The following EMP1 variants were observed in gnomAD, a reference collection of about 807,000 sequenced individuals.
The protein encoded by EMP1 is tumor-associated membrane protein.
EMP1 carries 5 observed loss-of-function variants against 15.7 expected under a neutral mutation model. That is an observed-to-expected ratio of 0.32 (90% CI 0.17 to 0.67). The LOEUF (loss-of-function observed/expected upper bound fraction) is 0.67, where lower values mean the gene tolerates loss of function less well. Ranked by LOEUF, EMP1 falls within the 30% of genes least tolerant of loss-of-function variation. The pLI is 0.74. For synonymous variants in EMP1, 78 were observed against 76.7 expected, an observed-to-expected ratio of 1.02 and a Z score of -0.09; for missense variants, 166 against 194.2, an observed-to-expected ratio of 0.85 and a Z score of 0.86.
intron 1 of EMP1, among the ~76,000 whole-genome samples, chr12:13,206,158 T>C (rs1365725054): frequency 6.6e-6 from 1 of 151,936 alleles, no homozygotes; most frequent in African/African-American, 2.4e-5. Flanking sequence ...AAACTCAGGG[T>C]AGGACTGTGA....
chr12:13,201,596 A>G (rs577728184), intron 1 of EMP1, among the ~76,000 whole-genome samples: 1 of 152,318 alleles, frequency 6.6e-6, no homozygotes, highest in South Asian at 2.1e-4. Flanking sequence ...CATTTTGCAG[A>G]GGATTCTCGT....
In EMP1 at chr12:13,208,861, C is replaced by T. The variant is rs115026162; in HGVS notation, c.-42-2608C>T. Among the ~76,000 whole-genome samples, 1,341 of 152,242 alleles carry T rather than the reference C, an allele frequency of 8.8e-3. 5 individuals are homozygous for T. The highest frequency in any genetic ancestry group is 0.022 in the African/African-American group (930 of 41,542). On this transcript the variant is annotated intron_variant, in intron 1 of 4. Transcript: ENST00000256951. ...CAGGTGGATCCAGGGGCCAGGCACT[C>T]GCACACACCACCAGGGCTGTGATGC...
At chr12:13,200,027 A>G (rs546658814) in intron 1 of EMP1, among the ~76,000 whole-genome samples, 21 of 137,688 alleles carry the variant, frequency 1.5e-4, no homozygotes, top group African/African-American at 4.8e-4. Context: ...GTTTGGAATT[A>G]TGTACATAGT....
intron 1 of EMP1, among the ~76,000 whole-genome samples, chr12:13,206,259 G>T (rs1479992696): frequency 1.3e-5 from 2 of 152,160 alleles, no homozygotes; most frequent in African/African-American, 4.8e-5. Flanking sequence ...GAAAAATCCT[G>T]GCCTTTCTTA....
intron 1 of EMP1, among the ~76,000 whole-genome samples, chr12:13,202,505 C>T (rs1038558749): frequency 6.6e-6 from 1 of 152,114 alleles, no homozygotes; most frequent in African/African-American, 2.4e-5. Flanking sequence ...TAGTTTGGGG[C>T]AAGGCAGTGT....
intron 1 of EMP1, among the ~76,000 whole-genome samples, chr12:13,198,541 G>A (rs1428878249): frequency 6.6e-6 from 1 of 152,196 alleles, no homozygotes; most frequent in Non-Finnish European, 1.5e-5. Context: ...AAGATGAAGG[G>A]AACTCCTACA....
At chr12:13,208,067 C>T (rs547435075) in intron 1 of EMP1, among the ~76,000 whole-genome samples, 65 of 152,178 alleles carry the variant, frequency 4.3e-4, no homozygotes, top group Non-Finnish European at 8.4e-4. Flanking sequence ...CCACCCATAT[C>T]ATTTTAGAGA....
intron 1 of EMP1, among the ~76,000 whole-genome samples, chr12:13,204,064 A>C (rs1001755076): frequency 1.3e-5 from 2 of 152,258 alleles, no homozygotes; most frequent in South Asian, 4.1e-4. Context: ...TCCCTGCAGC[A>C]TGTAGGTCCC....
chr12:13,214,052 G>A, intron 4 of EMP1: 1 of 702,210 alleles, frequency 1.4e-6, no homozygotes, highest in Non-Finnish European at 2.5e-6. Flanking sequence ...AAGTGGCAGT[G>A]CATATCTGTT....
chr12:13,211,903 G>T lies in EMP1; in HGVS notation c.78+315G>T. The T allele has an allele frequency of 2.9e-6, 1 of 342,028 alleles. No individual in the cohort carries two copies. The highest frequency in any genetic ancestry group is 5.4e-6 in the Non-Finnish European group (1 of 185,506). The allele number at this position is 342,028 out of a possible 1,614,324, so 21.2% of individuals were successfully genotyped here. A position where few individuals can be genotyped will look rare whatever the true frequency, so the allele number is the denominator to read the frequency against. ...AGCTTGAGGTGAACCTGGAGGAGTGGTAGATGGCTGAGGTTTCTCTTAGTG... is the reference window on the plus strand; with the variant it reads ...AGCTTGAGGTGAACCTGGAGGAGTGTTAGATGGCTGAGGTTTCTCTTAGTG... On this transcript the variant is annotated intron_variant, in intron 2 of 4. Coordinates refer to ENST00000256951, the MANE Select transcript of EMP1 (RefSeq NM_001423.3). This position sits in a 1 kb window ranked among gnomAD's most constrained non-coding sequence, Gnocchi z 4.7.
chr12:13,219,769 C>T lies in EMP1; in HGVS notation c.*5078C>T, dbSNP rs765040291. On this transcript the variant is annotated 3_prime_UTR_variant, in exon 5 of 5. Coordinates refer to ENST00000256951, the MANE Select transcript of EMP1 (RefSeq NM_001423.3). Reference sequence around the variant, plus strand: ...AGGAAGAACAGACTTTTGAGCTCTTCCCAATATAGGAATGTGTTAGTTCTA... The same window carrying T: ...AGGAAGAACAGACTTTTGAGCTCTTTCCAATATAGGAATGTGTTAGTTCTA... 3 of 152,134 alleles carry T rather than the reference C, an allele frequency of 2.0e-5. No homozygotes were observed. Among genetic ancestry groups the T allele is most frequent in the Non-Finnish European group, 2.9e-5 (2 of 68,022 alleles). The allele number at this position is 152,134 out of a possible 1,614,324, so 9.4% of individuals were successfully genotyped here. A position where few individuals can be genotyped will look rare whatever the true frequency, so the allele number is the denominator to read the frequency against.
Position 13,214,835 on chromosome 12 carries a change from A to G in EMP1, c.*144A>G. The G allele has an allele frequency of 1.5e-6, 1 of 658,954 alleles. No individual in the cohort carries two copies. The highest frequency in any genetic ancestry group is 2.5e-6 in the Non-Finnish European group (1 of 401,814). 40.8% of individuals were successfully genotyped at this position (658,954 alleles called of 1,614,324 possible). On this transcript the variant is annotated 3_prime_UTR_variant, in exon 5 of 5. Coordinates refer to ENST00000256951, the MANE Select transcript of EMP1 (RefSeq NM_001423.3). ...AAGGGGGGAGGTCAAATCCCAAACC[A>G]TTACTGAGGGGATTCTCTACTGCCA...
chr12:13,213,724 C>T lies in EMP1; in HGVS notation c.219C>T (p.Ile73=). ...TVQAFMILSI[I]FCVIALLVFV... The stretch of plus-strand genomic sequence containing the variant: ...AGGCCTTCATGATTCTCTCTATCAT[C>T]TTCTGTGTCATTGCCCTCCTGGTCT... Residue 73 remains isoleucine (I), a synonymous_variant, in exon 4 of 5, where the codon ATC becomes ATT. Coordinates refer to ENST00000256951, the MANE Select transcript of EMP1 (RefSeq NM_001423.3). The T allele has an allele frequency of 6.2e-7, 1 of 1,614,220 alleles. No homozygotes were observed. Among genetic ancestry groups the T allele is most frequent in the East Asian group, 2.2e-5 (1 of 44,888 alleles).
At chr12:13,206,996 A>G (rs1178735765) in intron 1 of EMP1, among the ~76,000 whole-genome samples, 3 of 152,142 alleles carry the variant, frequency 2.0e-5, no homozygotes, top group Non-Finnish European at 4.4e-5. Context: ...GCCAATAAAG[A>G]TTTAAATGGA....
intron 1 of EMP1, among the ~76,000 whole-genome samples, chr12:13,199,946 C>G (rs1864048779): frequency 7.0e-6 from 1 of 143,152 alleles, no homozygotes; most frequent in Non-Finnish European, 1.5e-5. Flanking sequence ...ATTATCTTTT[C>G]TTCTTCTTCT....
rs1390880060 is a variant in EMP1, at chr12:13,215,216, C to T, written c.*525C>T. ...CTTTGGCCTGTGAGCCATTGTCCCTCTTTGGAACAGATATTTAGCTCTGTG... is the reference window on the plus strand; with the variant it reads ...CTTTGGCCTGTGAGCCATTGTCCCTTTTTGGAACAGATATTTAGCTCTGTG... On this transcript the variant is annotated 3_prime_UTR_variant, in exon 5 of 5. Coordinates refer to ENST00000256951, the MANE Select transcript of EMP1 (RefSeq NM_001423.3). 1 of 154,044 alleles carries T rather than the reference C, an allele frequency of 6.5e-6. No homozygotes were observed. The highest frequency in any genetic ancestry group is 1.4e-5 in the Non-Finnish European group (1 of 69,262). The allele number at this position is 154,044 out of a possible 1,614,324, so 9.5% of individuals were successfully genotyped here. A position where few individuals can be genotyped will look rare whatever the true frequency, so the allele number is the denominator to read the frequency against.
chr12:13,211,098 A>G lies in EMP1; in HGVS notation c.-42-371A>G, dbSNP rs1864160787. ...CATTGTTCAGAGACCTGGAAATTATAAAGGCCTACTTCTTTGAAAATCAAA... is the reference window on the plus strand; with the variant it reads ...CATTGTTCAGAGACCTGGAAATTATGAAGGCCTACTTCTTTGAAAATCAAA... On this transcript the variant is annotated intron_variant, in intron 1 of 4. Transcript: ENST00000256951. This position sits in a 1 kb window ranked among gnomAD's most constrained non-coding sequence, Gnocchi z 4.7. Among the ~76,000 whole-genome samples, 1 of 152,248 alleles carries G rather than the reference A, an allele frequency of 6.6e-6. No individual in the cohort carries two copies. The highest frequency in any genetic ancestry group is 2.4e-5 in the African/African-American group (1 of 41,462).
rs1312199035 is a variant in EMP1 at position 13,213,582 on chromosome 12, A to G, written c.175+7A>G. On this transcript the variant is annotated splice_region_variant and intron_variant, in intron 3 of 4. Coordinates refer to ENST00000256951, the MANE Select transcript of EMP1 (RefSeq NM_001423.3). ...CTGTCATATGCCAGTGAAGGTATAT[A>G]TAAAGATATTGACCCAGTGCTGACA... 7 of 1,614,084 alleles carry G rather than the reference A, an allele frequency of 4.3e-6. No individual in the cohort carries two copies. Among genetic ancestry groups the G allele is most frequent in the Non-Finnish European group, 3.4e-6 (4 of 1,180,014 alleles).
chr12:13,214,980 TCTGGGGCCCCATC>T lies in EMP1; in HGVS notation c.*290_*302del. On this transcript the variant is annotated 3_prime_UTR_variant, in exon 5 of 5. Coordinates refer to ENST00000256951, the MANE Select transcript of EMP1 (RefSeq NM_001423.3). Reference sequence around the variant, plus strand: ...CAGCTGTTCTTAGTGACACACACTGTCTGGGGCCCCATCAGCTGCCACAACACCAGCCCCACTT... The same window carrying T: ...CAGCTGTTCTTAGTGACACACACTGTAGCTGCCACAACACCAGCCCCACTT... 2 of 363,142 alleles carry T rather than the reference TCTGGGGCCCCATC, an allele frequency of 5.5e-6. No individual in the cohort carries two copies. The highest frequency in any genetic ancestry group is 5.5e-5 in the South Asian group (2 of 36,106). 22.5% of individuals were successfully genotyped at this position (363,142 alleles called of 1,614,324 possible).
Sources: allele counts gnomAD v4.1 joint callset (sites outside exome capture counted in the v4.1 genomes callset), GRCh38; gene constraint gnomAD v4.1.1; non-coding constraint Gnocchi (gnomAD v3.1); transcripts MANE v1.5; gene names NCBI Gene and HGNC (gene_info 2026-07-23, HGNC 2026-07-21).